MYO7B: variants seen among roughly 807,000 people sequenced by gnomAD.
The protein encoded by MYO7B is myosin VIIB.
Under a neutral mutation model 259.7 loss-of-function variants are expected in MYO7B, and 212 were observed. That is an observed-to-expected ratio of 0.82 (90% CI 0.73 to 0.91). The LOEUF is 0.91. Among genes scored for constraint, MYO7B ranks in the 40% least tolerant of loss-of-function variants. The pLI is 0.00. For missense variants in MYO7B, 2,732 were observed against 2,813.5 expected (o/e 0.97, Z 0.66); for synonymous variants, 1,197 against 1,166.4 (o/e 1.03, Z -0.54).
In MYO7B at chr2:127,627,372, T is replaced by C; in HGVS notation, c.4460+62T>C. On this transcript the variant is annotated intron_variant, in intron 33 of 47. Coordinates refer to ENST00000409816, the MANE Select transcript of MYO7B (RefSeq NM_001393586.1). The surrounding 1 kb of genome is among the most constrained non-coding windows in gnomAD (Gnocchi z 5.6). ...GAGTCCTTGTGATGCATCTGGGGGC[T>C]CGGGGAGAGATGGGGAGAGGGGCAG... 1.4e-6 allele frequency: 2 copies of C among 1,434,180 alleles called. No individual in the cohort carries two copies. Among genetic ancestry groups the C allele is most frequent in the South Asian group, 2.4e-5 (2 of 82,122 alleles). 88.8% of individuals were successfully genotyped at this position (1,434,180 alleles called of 1,614,324 possible).
At chr2:127,618,329 G>A (rs564919626) in intron 26 of MYO7B, among the ~76,000 whole-genome samples, 7 of 152,162 alleles carry the variant, frequency 4.6e-5, no homozygotes, top group East Asian at 3.8e-4. Context: ...GAAGAAAAAG[G>A]GCTCCCTACT....
intron 1 of MYO7B, among the ~76,000 whole-genome samples, chr2:127,551,471 G>A (rs1305928370): frequency 6.6e-6 from 1 of 152,176 alleles, no homozygotes; most frequent in East Asian, 1.9e-4. Flanking sequence ...CTTAGAGAGA[G>A]AGCAAGCAGG....
At position 127,590,999 on chromosome 2, in the gene MYO7B, G is replaced by GT. The variant is rs1417151256; in HGVS notation, c.1992+771dup. On this transcript the variant is annotated intron_variant, in intron 16 of 47. Coordinates refer to ENST00000409816, the MANE Select transcript of MYO7B (RefSeq NM_001393586.1). The surrounding 1 kb of genome is among the most constrained non-coding windows in gnomAD (Gnocchi z 4.6). Reference sequence around the variant, plus strand: ...GCTTGAGGCAAGCCTGGGCAACATAGTAAGACCTTATCTCTGCAAAAAAAT... The same window carrying GT: ...GCTTGAGGCAAGCCTGGGCAACATAGTTAAGACCTTATCTCTGCAAAAAAAT... Among the ~76,000 whole-genome samples, 15 of 152,182 alleles carry GT rather than the reference G, an allele frequency of 9.9e-5. No individual in the cohort carries two copies. The highest frequency in any genetic ancestry group is 3.6e-4 in the African/African-American group (15 of 41,444).
In MYO7B at chr2:127,607,546, C is replaced by T; in HGVS notation, c.2643+122C>T. On this transcript the variant is annotated intron_variant, in intron 21 of 47. Coordinates refer to ENST00000409816, the MANE Select transcript of MYO7B (RefSeq NM_001393586.1). This position sits in a 1 kb window ranked among gnomAD's most constrained non-coding sequence, Gnocchi z 4.4. ...GAAGCGCTTTGGAAAATCCCCCCGC[C>T]CCCGCCACAAGCCAAGACGTTAAAA... 2 of 797,510 alleles carry T rather than the reference C, an allele frequency of 2.5e-6. No individual in the cohort carries two copies. The highest frequency in any genetic ancestry group is 4.0e-6 in the Non-Finnish European group (2 of 506,008). The allele number at this position is 797,510 out of a possible 1,614,324, so 49.4% of individuals were successfully genotyped here. A position where few individuals can be genotyped will look rare whatever the true frequency, so the allele number is the denominator to read the frequency against.
Position 127,584,477 on chromosome 2 carries a change from AC to A in MYO7B, c.1554+147del. ...GAATAAGCAGAAGAGCCTCAGTCTAACCAGACAGACCCTCCTCTCCAAGGCC... is the reference window on the plus strand; with the variant it reads ...GAATAAGCAGAAGAGCCTCAGTCTAACAGACAGACCCTCCTCTCCAAGGCC... On this transcript the variant is annotated intron_variant, in intron 13 of 47. Coordinates refer to ENST00000409816, the MANE Select transcript of MYO7B (RefSeq NM_001393586.1). The surrounding 1 kb of genome is among the most constrained non-coding windows in gnomAD (Gnocchi z 5.8). 1 of 907,100 alleles carries A rather than the reference AC, an allele frequency of 1.1e-6. No individual in the cohort carries two copies. Among genetic ancestry groups the A allele is most frequent in the Non-Finnish European group, 1.6e-6 (1 of 608,040 alleles). The allele number at this position is 907,100 out of a possible 1,614,324, so 56.2% of individuals were successfully genotyped here. A position where few individuals can be genotyped will look rare whatever the true frequency, so the allele number is the denominator to read the frequency against.
chr2:127,574,068 G>T lies in MYO7B; in HGVS notation c.735+6G>T, dbSNP rs1166316874. On this transcript the variant is annotated splice_donor_region_variant and intron_variant, in intron 7 of 47. Transcript: ENST00000409816. ...AGTCCCGGGTCTGCCGGCAGGTGAG[G>T]CCTCCCCCTTCCCAGGTCGGGAGTT... is the stretch of plus-strand genomic sequence containing the variant. 6.2e-7 allele frequency: 1 copy of T among 1,613,820 alleles called. No homozygotes were observed. Among genetic ancestry groups the T allele is most frequent in the Admixed American group, 1.7e-5 (1 of 60,026 alleles).
chr2:127,634,231 C>T lies in MYO7B; in HGVS notation c.5567C>T (p.Thr1856Ile), dbSNP rs765234919. 5.6e-6 allele frequency: 9 copies of T among 1,598,134 alleles called. No homozygotes were observed. The Admixed American group carries it at 1.3e-4, about 23-fold the overall frequency. Residue 1856 changes from threonine (T) to isoleucine (I), a missense_variant, in exon 41 of 48, where the codon ACC becomes ATC. By Grantham distance (89) the Thr-to-Ile change is moderately conservative. This residue lies in a region of MYO7B where 821 missense variants were observed against 769.3 expected (regional missense o/e 1.07). Transcript: ENST00000409816. ...RVRDVCDSIA[T>I]RLQLASWEGC... Reference sequence around the variant, plus strand: ...CGGGATGTGTGTGACAGCATTGCCACCAGGCTGCAGCTGGCCTCCTGGGAG... The same window carrying T: ...CGGGATGTGTGTGACAGCATTGCCATCAGGCTGCAGCTGGCCTCCTGGGAG...
chr2:127,598,246 A>G (rs546211195), intron 19 of MYO7B, among the ~76,000 whole-genome samples: 58 of 152,328 alleles, frequency 3.8e-4, no homozygotes, highest in African/African-American at 1.3e-3. Context: ...TGGCTGACTC[A>G]GTGTCCGTGC....
intron 12 of MYO7B, 28 bp downstream of exon 12, chr2:127,582,474 C>T (rs762043420): frequency 1.2e-6 from 2 of 1,608,616 alleles, no homozygotes; most frequent in African/African-American, 2.7e-5. Flanking sequence ...CCCAGCCCCA[C>T]TGCTTCCAGA....
At position 127,637,320 on chromosome 2, in the gene MYO7B, A is replaced by G; in HGVS notation, c.6332A>G (p.Tyr2111Cys). The G allele has an allele frequency of 1.9e-6, 3 of 1,582,210 alleles. No individual in the cohort carries two copies. Among genetic ancestry groups the G allele is most frequent in the South Asian group, 1.2e-5 (1 of 86,214 alleles). ...SRLLCETSLG[Y>C]KMDDLLTSYV... ...ACCCCCCCGTCCCCTGTCCAGGGCT[A>G]TAAGATGGATGACCTGCTGACCTCA... Residue 2111 changes from tyrosine to cysteine, a missense_variant, in exon 48 of 48, where the codon TAT becomes TGT. By Grantham distance (194) the Tyr-to-Cys change is radical. Around this residue, in one of 3 missense-constraint regions of MYO7B, gnomAD observed 821 missense variants for 769.3 expected, o/e 1.07. Coordinates refer to ENST00000409816, the MANE Select transcript of MYO7B (RefSeq NM_001393586.1).
chr2:127,560,435 C>A (rs557470449), intron 2 of MYO7B, among the ~76,000 whole-genome samples: 4 of 152,136 alleles, frequency 2.6e-5, no homozygotes, highest in Non-Finnish European at 4.4e-5. Flanking sequence ...CTGAATCACC[C>A]CTTTGGACTC....
At position 127,585,409 on chromosome 2, in the gene MYO7B, G is replaced by A. The variant is rs182961497; in HGVS notation, c.1690+496G>A. On this transcript the variant is annotated intron_variant, in intron 14 of 47. Transcript: ENST00000409816. This position sits in a 1 kb window ranked among gnomAD's most constrained non-coding sequence, Gnocchi z 4.3. Reference sequence around the variant, plus strand: ...TCAAGGTTCATCTATGTTGTAGTACGTGTCAGTGCTCCATGTCTTTTTATT... The same window carrying A: ...TCAAGGTTCATCTATGTTGTAGTACATGTCAGTGCTCCATGTCTTTTTATT... Among the ~76,000 whole-genome samples, 5 of 152,258 alleles carry A rather than the reference G, an allele frequency of 3.3e-5. No individual in the cohort carries two copies. Among genetic ancestry groups the A allele is most frequent in the Admixed American group, 2.0e-4 (3 of 15,298 alleles).
In MYO7B at chr2:127,609,017, C is replaced by A; in HGVS notation, c.2814+139C>A. On this transcript the variant is annotated intron_variant, in intron 22 of 47. Coordinates refer to ENST00000409816, the MANE Select transcript of MYO7B (RefSeq NM_001393586.1). This position sits in a 1 kb window ranked among gnomAD's most constrained non-coding sequence, Gnocchi z 6.9. ...GTGTGCTGCAGCCCTGCTGGTCCCA[C>A]ACGGAAGAGGGGAGCGTGCGTGGGT... 8.4e-7 allele frequency: 1 copy of A among 1,188,642 alleles called. No homozygotes were observed. Among genetic ancestry groups the A allele is most frequent in the Non-Finnish European group, 1.2e-6 (1 of 857,678 alleles). 73.6% of individuals were successfully genotyped at this position (1,188,642 alleles called of 1,614,324 possible).
At chr2:127,598,822 TA>T (rs897034301) in intron 19 of MYO7B, among the ~76,000 whole-genome samples, 12 of 152,084 alleles carry the variant, frequency 7.9e-5, no homozygotes, top group South Asian at 2.1e-4. Flanking sequence ...GTATTATTCA[TA>T]AAAAAAAGTC....
chr2:127,573,538 T>C (rs925225283), intron 6 of MYO7B, among the ~76,000 whole-genome samples: 1 of 152,156 alleles, frequency 6.6e-6, no homozygotes, highest in African/African-American at 2.4e-5. Flanking sequence ...TCCCACACTC[T>C]CTCAGAAGCT....
rs1005394437 is a variant in MYO7B at position 127,613,811 on chromosome 2, T to C, written c.3398+1208T>C. ...ATGAGCAGAAGCTAGAATCCCTTTT[T>C]AGTTATTTTAGCCTTGGCTAGAGTA... On this transcript the variant is annotated intron_variant, in intron 26 of 47. Coordinates refer to ENST00000409816, the MANE Select transcript of MYO7B (RefSeq NM_001393586.1). The surrounding 1 kb of genome is among the most constrained non-coding windows in gnomAD (Gnocchi z 4.3). Among the ~76,000 whole-genome samples the C allele has an allele frequency of 3.3e-5, 5 of 152,252 alleles. No homozygotes were observed. Among genetic ancestry groups the C allele is most frequent in the African/African-American group, 1.2e-4 (5 of 41,472 alleles).
At chr2:127,631,551 C>G (rs761326833) in intron 37 of MYO7B, 49 bp from the exon 38 acceptor site, 3 of 1,596,474 alleles carry the variant, frequency 1.9e-6, no homozygotes, top group South Asian at 1.1e-5. Context: ...TATCCCCAGT[C>G]TGTGTCAGCG....
In MYO7B at chr2:127,620,423, G is replaced by T. The variant is rs1352675426; in HGVS notation, c.3482G>T (p.Ser1161Ile). Residue 1161 changes from serine (S) to isoleucine (I), a missense_variant, in exon 27 of 48, where the codon AGC becomes ATC. By Grantham distance (142) the Ser-to-Ile change is moderately radical. Coordinates refer to ENST00000409816, the MANE Select transcript of MYO7B (RefSeq NM_001393586.1). The part of the protein sequence containing the change: ...SSLARGWILL[S>I]LCLGCFPPSE... ...CTGGCCCGGGGCTGGATCCTGCTCA[G>T]CCTCTGCCTCGGCTGCTTCCCACCC... 6.6e-7 allele frequency: 1 copy of T among 1,518,178 alleles called. No homozygotes were observed. Among genetic ancestry groups the T allele is most frequent in the Admixed American group, 1.8e-5 (1 of 56,936 alleles). The allele number at this position is 1,518,178 out of a possible 1,614,324, so 94.0% of individuals were successfully genotyped here.
intron 9 of MYO7B, 93 bp from the exon 10 acceptor site, chr2:127,580,653 G>C: frequency 8.0e-7 from 1 of 1,253,504 alleles, no homozygotes; most frequent in East Asian, 2.5e-5. Context: ...CTCCTGAGTG[G>C]ATCTGGGGCT....
Sources: gnomAD v4.1 joint callset for allele counts (sites outside exome capture counted in the v4.1 genomes callset) on GRCh38, gnomAD v4.1.1 for gene constraint, gnomAD v4.1.1 regional missense constraint, Gnocchi (gnomAD v3.1) non-coding constraint, MANE v1.5 for transcripts, NCBI Gene and HGNC (gene_info 2026-07-23, HGNC 2026-07-21) for gene names.